TLK2: variants seen among roughly 807,000 people sequenced by gnomAD.
TLK2 encodes the protein tousled like kinase 2.
A neutral mutation model predicts 117.3 loss-of-function variants in TLK2; 6 were observed. The observed-to-expected ratio is 0.05, with a 90% CI of 0.03 to 0.10. The LOEUF (loss-of-function observed/expected upper bound fraction) is 0.10. Among genes scored for constraint, TLK2 ranks in the 10% least tolerant of loss-of-function variants. The pLI is 1.00. For missense variants in TLK2, 299 were observed against 901.2 expected (o/e 0.33, Z 8.56); for synonymous variants, 257 against 316.7 (o/e 0.81, Z 2.00).
intron 2 of TLK2, among the ~76,000 whole-genome samples, chr17:62,517,185 G>A (rs1233653890): frequency 3.3e-5 from 5 of 152,102 alleles, no homozygotes; most frequent in African/African-American, 7.2e-5. Context: ...GATTACAGGC[G>A]TGAGCCACCA....
At position 62,613,397 on chromosome 17, in the gene TLK2, CA is replaced by C; in HGVS notation, c.*834del. ...GCAGCTTGGAGTCTCTCTAGGTTTT[CA>C]ACTATTTCTTCACAATTTGAACACT... On this transcript the variant is annotated 3_prime_UTR_variant, in exon 22 of 22. Transcript: ENST00000346027. The C allele has an allele frequency of 1.3e-5, 2 of 152,734 alleles. No homozygotes were observed. The highest frequency in any genetic ancestry group is 4.1e-4 in the South Asian group (2 of 4,820). The allele number at this position is 152,734 out of a possible 1,614,324, so 9.5% of individuals were successfully genotyped here.
chr17:62,494,419 G>A (rs1437143689), intron 2 of TLK2, among the ~76,000 whole-genome samples: 1 of 152,074 alleles, frequency 6.6e-6, no homozygotes, highest in African/African-American at 2.4e-5. Flanking sequence ...TCAGTACCTG[G>A]CTGATTTTTG....
At chr17:62,553,418 C>A (rs1269114355) in intron 8 of TLK2, 4 of 444,850 alleles carry the variant, frequency 9.0e-6, no homozygotes, top group Non-Finnish European at 1.7e-5. Flanking sequence ...AGTGAGAATT[C>A]ATACATTTGA....
At chr17:62,574,300 G>A in intron 12 of TLK2, 1 of 1,534,082 alleles carries the variant, frequency 6.5e-7, no homozygotes, top group Non-Finnish European at 8.7e-7. Context: ...TCTCTTCCTT[G>A]ATGTTCGTTT....
At chr17:62,607,951 TCTTATCCTTTTC>T in intron 20 of TLK2, 78 bp from the exon 21 acceptor site, 1 of 1,056,364 alleles carries the variant, frequency 9.5e-7, no homozygotes, top group South Asian at 1.6e-5. Context: ...TTAGAAGATG[TCTTATCCTTTTC>T]CTTCCCTGGG....
chr17:62,493,853 G>A (rs905654847), intron 2 of TLK2, among the ~76,000 whole-genome samples: 1 of 152,068 alleles, frequency 6.6e-6, no homozygotes, highest in Non-Finnish European at 1.5e-5. Flanking sequence ...CGCCTCCTGG[G>A]TTCAAGTGAT....
intron 2 of TLK2, among the ~76,000 whole-genome samples, chr17:62,515,378 C>T (rs1407689397): frequency 1.3e-5 from 2 of 152,140 alleles, no homozygotes; most frequent in African/African-American, 2.4e-5. Context: ...ACGATAATTC[C>T]GTTTTTGAGG....
intron 19 of TLK2, among the ~76,000 whole-genome samples, chr17:62,605,810 G>GGA (rs1482213757): frequency 5.9e-5 from 9 of 151,926 alleles, no homozygotes; most frequent in Non-Finnish European, 1.3e-4. Context: ...TTTGAGACCA[G>GGA]CCTGGGCAAC....
intron 2 of TLK2, among the ~76,000 whole-genome samples, chr17:62,504,252 A>G (rs2074470159): frequency 6.6e-6 from 1 of 152,134 alleles, no homozygotes; most frequent in Non-Finnish European, 1.5e-5. Context: ...GCACTGTATT[A>G]CCCTCATCCC....
chr17:62,587,122 T>G (rs77086675), intron 16 of TLK2, among the ~76,000 whole-genome samples: 1 of 152,080 alleles, frequency 6.6e-6, no homozygotes, highest in African/African-American at 2.4e-5. Context: ...GAGGGGGGGC[T>G]TCTTTAAAAT....
intron 2 of TLK2, among the ~76,000 whole-genome samples, chr17:62,494,584 C>A (rs1267953195): frequency 6.6e-6 from 1 of 151,466 alleles, no homozygotes; most frequent in Non-Finnish European, 1.5e-5. Context: ...AGGGGTTTCA[C>A]CACGTTGCCC....
chr17:62,585,315 G>A (rs2081531622), intron 15 of TLK2, among the ~76,000 whole-genome samples: 2 of 152,222 alleles, frequency 1.3e-5, no homozygotes, highest in Admixed American at 1.3e-4. Flanking sequence ...GGCCGAAGCG[G>A]GGCGGATCGC....
chr17:62,599,185 G>T (rs1397005221), intron 17 of TLK2, among the ~76,000 whole-genome samples: 1 of 152,222 alleles, frequency 6.6e-6, no homozygotes, highest in Admixed American at 6.5e-5. Flanking sequence ...GGCCTCAAGT[G>T]ATCCACCCAT....
chr17:62,498,064 A>C (rs1278970896), intron 2 of TLK2, among the ~76,000 whole-genome samples: 1 of 152,152 alleles, frequency 6.6e-6, no homozygotes, highest in African/African-American at 2.4e-5. Flanking sequence ...TACCTCTTGG[A>C]CTTACTGAAG....
chr17:62,596,482 T>C lies in TLK2; in HGVS notation c.1461-103T>C. 5 of 857,206 alleles carry C rather than the reference T, an allele frequency of 5.8e-6. No homozygotes were observed. The Admixed American group carries it at 9.5e-5, about 16-fold the overall frequency. The allele number at this position is 857,206 out of a possible 1,614,324, so 53.1% of individuals were successfully genotyped here. On this transcript the variant is annotated intron_variant, in intron 16 of 21. Transcript: ENST00000346027. ...CAGATGGACCTGAATGGAATTAACA[T>C]GTGGAGACAATAGAGAAATGATTGA...
At chr17:62,578,091 A>G (rs1299213477) in intron 13 of TLK2, among the ~76,000 whole-genome samples, 4 of 152,194 alleles carry the variant, frequency 2.6e-5, no homozygotes, top group East Asian at 1.9e-4. Flanking sequence ...AGTGTAATCC[A>G]TACTTAAAGA....
Position 62,582,773 on chromosome 17 carries a change from C to T in TLK2, c.1368+2581C>T, listed in dbSNP as rs182415252. On this transcript the variant is annotated intron_variant, in intron 15 of 21. Coordinates refer to ENST00000346027, the MANE Select transcript of TLK2 (RefSeq NM_006852.6). The stretch of plus-strand genomic sequence containing the variant: ...TCTTCCAAAACTGAAACTCTGTAGC[C>T]ATTAACCAACTTTCCTTTCCCCCTC... 7.9e-5 allele frequency among the ~76,000 whole-genome samples: 12 copies of T among 152,234 alleles called. No homozygotes were observed. The East Asian group carries it at 1.9e-3, about 25-fold the overall frequency.
In TLK2 at chr17:62,549,539, C is replaced by T. The variant is rs1466324317; in HGVS notation, c.532-2763C>T. On this transcript the variant is annotated intron_variant, in intron 7 of 21. Coordinates refer to ENST00000346027, the MANE Select transcript of TLK2 (RefSeq NM_006852.6). ...GCTTGTATCCTAGTGCATTATAATA[C>T]TTGAGGTTCATAATGATGACCCTTA... Among the ~76,000 whole-genome samples, 2 of 149,458 alleles carry T rather than the reference C, an allele frequency of 1.3e-5. 1 individual carries two copies. Among genetic ancestry groups the T allele is most frequent in the South Asian group, 4.3e-4 (2 of 4,612 alleles).
chr17:62,592,829 C>T (rs2082177426), intron 16 of TLK2, among the ~76,000 whole-genome samples: 1 of 152,204 alleles, frequency 6.6e-6, no homozygotes, highest in Admixed American at 6.5e-5. Flanking sequence ...AGCTTGCTTT[C>T]CTGCAGTTGA....
Sources: gnomAD v4.1 joint callset for allele counts (sites outside exome capture counted in the v4.1 genomes callset) on GRCh38, gnomAD v4.1.1 for gene constraint, MANE v1.5 for transcripts, NCBI Gene and HGNC (gene_info 2026-07-23, HGNC 2026-07-21) for gene names.